CDH8: variants seen among roughly 807,000 people sequenced by gnomAD.
CDH8 encodes cadherin 8.
A neutral mutation model predicts 68.1 loss-of-function variants in CDH8; 17 were observed. That is an observed-to-expected ratio of 0.25 (90% confidence interval 0.17 to 0.37). The LOEUF is 0.37. CDH8 is among the 10% of genes least tolerant of loss of function. CDH8 has a pLI of 1.00. For synonymous variants in CDH8, 372 were observed against 365.1 expected (o/e 1.02, Z -0.21); for missense variants, 763 against 999.3 (o/e 0.76, Z 3.19).
chr16:61,704,741 A>C (rs1964498632), intron 10 of CDH8, among the ~76,000 whole-genome samples: 2 of 152,202 alleles, frequency 1.3e-5, no homozygotes, highest in Admixed American at 1.3e-4. Context: ...GTCTGATTTT[A>C]ACGTTTGTGA....
chr16:61,972,976 T>C (rs1383774839), intron 2 of CDH8, among the ~76,000 whole-genome samples: 3 of 152,204 alleles, frequency 2.0e-5, no homozygotes, highest in African/African-American at 7.2e-5. Context: ...TTTCTCCAAG[T>C]AACAGAAAAT....
intron 8 of CDH8, among the ~76,000 whole-genome samples, chr16:61,727,421 C>G (rs895676731): frequency 6.6e-6 from 1 of 150,942 alleles, no homozygotes; most frequent in African/African-American, 2.4e-5. Flanking sequence ...TTTCAAACAC[C>G]ATTTGCTGAG....
chr16:61,828,361 T>C (rs531010367), intron 4 of CDH8, among the ~76,000 whole-genome samples: 11 of 151,998 alleles, frequency 7.2e-5, no homozygotes, highest in African/African-American at 2.4e-4. Flanking sequence ...GAATATCCAT[T>C]CTTTTATTCC....
At chr16:61,728,918 G>A (rs139597154) in intron 8 of CDH8, among the ~76,000 whole-genome samples, 3,518 of 151,092 alleles carry the variant, frequency 0.023, 69 homozygotes, top group Non-Finnish European at 0.035. Flanking sequence ...TTATAGAATT[G>A]TTATAAATGT....
chr16:61,726,268 T>C (rs1181195473), intron 9 of CDH8: 3 of 151,030 alleles, frequency 2.0e-5, no homozygotes, highest in Non-Finnish European at 3.0e-5. Context: ...AAACATACAG[T>C]ACTTTGGTAC....
At chr16:61,944,689 G>T (rs536706378) in intron 2 of CDH8, among the ~76,000 whole-genome samples, 7 of 152,172 alleles carry the variant, frequency 4.6e-5, no homozygotes, top group African/African-American at 1.7e-4. Context: ...TGCCTGTAAT[G>T]CCAGCACTTT....
Position 61,647,655 on chromosome 16 carries a change from T to C in CDH8, c.*5953A>G, listed in dbSNP as rs1963233947. ...CCCAATGACTCCTAAATTGTCATGG[T>C]CCATCTTAGAGCATAATTGTTAAAA... On this transcript the variant is annotated 3_prime_UTR_variant, in exon 12 of 12. Transcript: ENST00000577390. 1.9e-5 allele frequency: 11 copies of C among 591,228 alleles called. No homozygotes were observed. The highest frequency in any genetic ancestry group is 3.3e-5 in the Non-Finnish European group (11 of 333,864). 36.6% of individuals were successfully genotyped at this position (591,228 alleles called of 1,614,324 possible).
At chr16:61,810,969 A>G (rs1961930562) in intron 7 of CDH8, among the ~76,000 whole-genome samples, 1 of 148,450 alleles carries the variant, frequency 6.7e-6, no homozygotes, top group Non-Finnish European at 1.5e-5. Flanking sequence ...GGTTGCAGTG[A>G]GCCGAGATTG....
In CDH8 at chr16:61,649,980, A is replaced by C. The variant is rs181929672; in HGVS notation, c.*3628T>G. 8.7e-4 allele frequency: 133 copies of C among 152,192 alleles called. 1 individual carries two copies. The highest frequency in any genetic ancestry group is 3.1e-3 in the African/African-American group (128 of 41,554). 9.4% of individuals were successfully genotyped at this position (152,192 alleles called of 1,614,324 possible). ...GTATCTTTCTAAGCATTCTTGCTTCACTGGTGATACCAGTAAATCTAAGTT... is the reference window on the plus strand; with the variant it reads ...GTATCTTTCTAAGCATTCTTGCTTCCCTGGTGATACCAGTAAATCTAAGTT... On this transcript the variant is annotated 3_prime_UTR_variant, in exon 12 of 12. Coordinates refer to ENST00000577390, the MANE Select transcript of CDH8 (RefSeq NM_001796.5).
chr16:61,801,515 C>T (rs1329025778), intron 7 of CDH8, among the ~76,000 whole-genome samples: 3 of 152,154 alleles, frequency 2.0e-5, no homozygotes, highest in African/African-American at 7.2e-5. Flanking sequence ...GCGTGAGCGA[C>T]GCAGAAGACG....
intron 8 of CDH8, among the ~76,000 whole-genome samples, chr16:61,771,443 C>A (rs1054787407): frequency 2.6e-5 from 3 of 116,620 alleles, no homozygotes; most frequent in Admixed American, 1.1e-4. Flanking sequence ...ACACACAAAT[C>A]TAATGACAAG....
intron 7 of CDH8, among the ~76,000 whole-genome samples, chr16:61,792,780 G>T (rs2142994941): frequency 6.6e-6 from 1 of 152,036 alleles, no homozygotes; most frequent in Non-Finnish European, 1.5e-5. Flanking sequence ...AGATTGCTGT[G>T]AAGATCACAT....
chr16:61,778,287 T>C (rs1047401049), intron 8 of CDH8, among the ~76,000 whole-genome samples: 2 of 152,142 alleles, frequency 1.3e-5, no homozygotes, highest in East Asian at 1.9e-4. Flanking sequence ...TGGATATATA[T>C]GAAGCACAAT....
chr16:61,696,503 G>T (rs1404953236), intron 10 of CDH8, among the ~76,000 whole-genome samples: 1 of 152,194 alleles, frequency 6.6e-6, no homozygotes, highest in Non-Finnish European at 1.5e-5. Context: ...CTTATATTCT[G>T]TTTGTGGGAA....
chr16:61,760,493 A>G (rs1341967271), intron 8 of CDH8, among the ~76,000 whole-genome samples: 1 of 151,602 alleles, frequency 6.6e-6, no homozygotes. Context: ...TTGAATTTTT[A>G]GTAGAGACAG....
chr16:61,720,419 T>C (rs1959208504), intron 9 of CDH8, among the ~76,000 whole-genome samples: 1 of 151,014 alleles, frequency 6.6e-6, no homozygotes, highest in African/African-American at 2.4e-5. Flanking sequence ...TCCAGTATTC[T>C]GTAGGTTGAA....
At chr16:62,007,487 CAT>C (rs1303470397) in intron 2 of CDH8, among the ~76,000 whole-genome samples, 1 of 152,148 alleles carries the variant, frequency 6.6e-6, no homozygotes, top group African/African-American at 2.4e-5. Flanking sequence ...AAAAGATCAT[CAT>C]GTTTGTTGGT....
At chr16:61,654,142 T>C in intron 11 of CDH8, 41 bp from the exon 12 acceptor site, 2 of 1,570,342 alleles carry the variant, frequency 1.3e-6, no homozygotes, top group Non-Finnish European at 1.7e-6. Context: ...CAAACAAGCA[T>C]ATAATTTCAC....
chr16:61,798,425 G>A (rs555639644), intron 7 of CDH8, among the ~76,000 whole-genome samples: 1 of 152,262 alleles, frequency 6.6e-6, no homozygotes, highest in Admixed American at 6.5e-5. Context: ...AATATGCTCT[G>A]TGTTATCCAG....
Sources: allele counts gnomAD v4.1 joint callset (sites outside exome capture counted in the v4.1 genomes callset), GRCh38; gene constraint gnomAD v4.1.1; transcripts MANE v1.5; gene names NCBI Gene and HGNC (gene_info 2026-07-23, HGNC 2026-07-21).